The following LAMA1 variants were observed in gnomAD, a reference collection of about 807,000 sequenced individuals.
LAMA1 encodes laminin subunit alpha-1.
Under a neutral mutation model 348.7 loss-of-function variants are expected in LAMA1, and 219 were observed. That is an observed-to-expected ratio of 0.63 (90% CI 0.56 to 0.70). LAMA1 has a LOEUF of 0.70. LAMA1 is among the 30% of genes least tolerant of loss of function. The pLI, the probability that LAMA1 is intolerant of heterozygous loss-of-function variation, is 0.00. For missense variants in LAMA1, 3,744 were observed against 3,888.0 expected (o/e 0.96, Z 0.99); for synonymous variants, 1,487 against 1,491.0 (o/e 1.00, Z 0.06).
At position 6,982,592 on chromosome 18, in the gene LAMA1, T is replaced by C; in HGVS notation, c.5797-2A>G. 1 of 1,613,810 alleles carries C rather than the reference T, an allele frequency of 6.2e-7. No homozygotes were observed. The highest frequency in any genetic ancestry group is 8.5e-7 in the Non-Finnish European group (1 of 1,179,750). ...GTTAGAAACAAGGGATTCTGAGAGC[T>C]GGAAAACAGAACCACTTAAGCGTGG... On this transcript the variant is annotated splice_acceptor_variant, in intron 40 of 62. Coordinates refer to ENST00000389658, the MANE Select transcript of LAMA1 (RefSeq NM_005559.4). LOFTEE classifies it high-confidence loss of function.
At chr18:6,977,904 G>C in intron 43 of LAMA1, 23 bp from the exon 44 acceptor site, 1 of 1,608,058 alleles carries the variant, frequency 6.2e-7, no homozygotes, top group Middle Eastern at 1.6e-4. Flanking sequence ...AGAAGGCAAG[G>C]GGTGGCAAGA....
chr18:7,072,561 T>C (rs2058150322), intron 3 of LAMA1, among the ~76,000 whole-genome samples: 1 of 152,246 alleles, frequency 6.6e-6, no homozygotes, highest in Admixed American at 6.5e-5. Context: ...GTTTGTAATG[T>C]ATTAGACAGC....
At chr18:7,041,396 C>T (rs917084756) in intron 9 of LAMA1, among the ~76,000 whole-genome samples, 3 of 78,052 alleles carry the variant, frequency 3.8e-5, no homozygotes, top group Non-Finnish European at 6.5e-5. Flanking sequence ...TTATTATCAT[C>T]GTCATCATCC....
chr18:6,960,846 A>G (rs1052591165), intron 53 of LAMA1, among the ~76,000 whole-genome samples: 2 of 152,108 alleles, frequency 1.3e-5, no homozygotes, highest in Non-Finnish European at 2.9e-5. Context: ...CTCTCAGCAC[A>G]TTTCTTCCTC....
At chr18:7,100,101 G>GA (rs1449194585) in intron 1 of LAMA1, among the ~76,000 whole-genome samples, 1 of 145,954 alleles carries the variant, frequency 6.9e-6, no homozygotes, top group African/African-American at 2.5e-5. Context: ...TAGACTGGGA[G>GA]AAAATACTTT....
intron 3 of LAMA1, among the ~76,000 whole-genome samples, chr18:7,070,163 C>T (rs2143763258): frequency 6.6e-6 from 1 of 152,218 alleles, no homozygotes; most frequent in East Asian, 1.9e-4. Context: ...TAATGATGAG[C>T]TTAAGATTTC....
intron 1 of LAMA1, among the ~76,000 whole-genome samples, chr18:7,086,198 C>T (rs1482007089): frequency 6.6e-6 from 1 of 152,154 alleles, no homozygotes; most frequent in African/African-American, 2.4e-5. Flanking sequence ...AGGGTTCTCA[C>T]AACCAAGAAG....
rs933025037 is a variant in LAMA1 at position 7,009,356 on chromosome 18, T to G, written c.3884A>C (p.Lys1295Thr). 1 of 1,614,044 alleles carries G rather than the reference T, an allele frequency of 6.2e-7. No homozygotes were observed. Residue 1295 changes from lysine (K) to threonine (T), a missense_variant, in exon 27 of 63, where the codon AAA becomes ACA. This residue lies in a region of LAMA1 where 1,983 missense variants were observed against 1,934.3 expected (regional missense o/e 1.03). Transcript: ENST00000389658. ...TTTTTCAGAAACAGAGTTAAAATAT[T>G]TCCAAAAATTCTGTAGAATGAGAAA... ...QEVAMRENFW[K>T]YFNSVSEKPV...
intron 31 of LAMA1, 67 bp downstream of exon 31, chr18:6,999,844 T>C: frequency 3.5e-6 from 5 of 1,425,100 alleles, no homozygotes; most frequent in South Asian, 3.5e-5. Flanking sequence ...CTATAGTAAA[T>C]ATGCCCAATA....
chr18:7,068,345 T>C (rs1370643092), intron 3 of LAMA1, among the ~76,000 whole-genome samples: 1 of 152,222 alleles, frequency 6.6e-6, no homozygotes, highest in African/African-American at 2.4e-5. Context: ...ACCAACATAC[T>C]GAAGGAACCG....
intron 32 of LAMA1, 54 bp downstream of exon 32, chr18:6,999,391 C>T (rs746943308): frequency 5.4e-5 from 85 of 1,585,284 alleles, no homozygotes; most frequent in Non-Finnish European, 6.8e-5. Flanking sequence ...ACTTCTTTCC[C>T]GACACATTTG....
At position 7,043,172 on chromosome 18, in the gene LAMA1, C is replaced by G. The variant is rs2058027757; in HGVS notation, c.1155+55G>C. On this transcript the variant is annotated intron_variant, in intron 8 of 62. Transcript: ENST00000389658. ...CAGAGGTTAAGACTTGACAAAGTCTCTTTTCCACCTGGGGAAGATGATGAA... is the reference window on the plus strand; with the variant it reads ...CAGAGGTTAAGACTTGACAAAGTCTGTTTTCCACCTGGGGAAGATGATGAA... 19 of 1,584,906 alleles carry G rather than the reference C, an allele frequency of 1.2e-5. 1 individual carries two copies. The South Asian group carries it at 2.0e-4, about 17-fold the overall frequency.
At chr18:7,009,181 C>T (rs1416587024) in intron 27 of LAMA1, 58 bp downstream of exon 27, 2 of 1,602,992 alleles carry the variant, frequency 1.2e-6, no homozygotes, top group East Asian at 4.5e-5. Flanking sequence ...GAGTCAAATT[C>T]TTTCAGTTTG....
intron 36 of LAMA1, among the ~76,000 whole-genome samples, chr18:6,989,243 T>G (rs2057748738): frequency 6.6e-6 from 1 of 151,482 alleles, no homozygotes; most frequent in South Asian, 2.1e-4. Flanking sequence ...GGGAGAGGAC[T>G]TCAGGGATTT....
intron 8 of LAMA1, chr18:7,042,700 T>C (rs763656710): frequency 1.4e-5 from 3 of 216,126 alleles, no homozygotes; most frequent in Non-Finnish European, 2.8e-5. Flanking sequence ...CTGGCCGACA[T>C]GGTGAAACCC....
intron 1 of LAMA1, among the ~76,000 whole-genome samples, chr18:7,083,898 C>G (rs2058203769): frequency 6.6e-6 from 1 of 151,756 alleles, no homozygotes; most frequent in African/African-American, 2.4e-5. Flanking sequence ...TGGTAAAACT[C>G]CATCTCTACT....
Position 7,049,231 on chromosome 18 carries a change from T to G in LAMA1, c.615A>C (p.Arg205Ser). Residue 205 changes from arginine (R) to serine (S), a missense_variant, in exon 5 of 63, where the codon AGA becomes AGC. Coordinates refer to ENST00000389658, the MANE Select transcript of LAMA1 (RefSeq NM_005559.4). ...GEIHTSLING[R>S]PSADDLSPKL... Reference sequence around the variant, plus strand: ...TGGGTGAAAGATCGTCAGCGCTTGGTCTGCCATTGATGAGTGATGTATGAA... The same window carrying G: ...TGGGTGAAAGATCGTCAGCGCTTGGGCTGCCATTGATGAGTGATGTATGAA... 6.2e-7 allele frequency: 1 copy of G among 1,614,162 alleles called. No homozygotes were observed. Among genetic ancestry groups the G allele is most frequent in the Non-Finnish European group, 8.5e-7 (1 of 1,179,986 alleles).
chr18:7,014,198 T>C, intron 22 of LAMA1, 147 bp from the exon 23 acceptor site: 1 of 741,128 alleles, frequency 1.3e-6, no homozygotes, highest in Non-Finnish European at 2.4e-6. Context: ...GGATTCACGT[T>C]GCCATGTGCC....
chr18:7,067,470 GAAAA>G (rs11290664), intron 3 of LAMA1, among the ~76,000 whole-genome samples: 1 of 142,722 alleles, frequency 7.0e-6, no homozygotes, highest in East Asian at 2.1e-4. Flanking sequence ...CTTCCAAAGT[GAAAA>G]AAAAAAAAAA....
Sources: gnomAD v4.1 joint callset for allele counts (sites outside exome capture counted in the v4.1 genomes callset) on GRCh38, gnomAD v4.1.1 for gene constraint, gnomAD v4.1.1 regional missense constraint, MANE v1.5 for transcripts, NCBI Gene and HGNC (gene_info 2026-07-23, HGNC 2026-07-21) for gene names.